Variants in ENOPH1 observed in about 807,000 individuals in gnomAD.
ENOPH1 encodes enolase-phosphatase 1.
In ENOPH1, 14 loss-of-function variants were observed where a neutral mutation model predicts 31.1. That is an observed-to-expected ratio of 0.45 (90% CI 0.30 to 0.70). The LOEUF (loss-of-function observed/expected upper bound fraction) is 0.70, where lower values mean the gene tolerates loss of function less well. Among genes scored for constraint, ENOPH1 ranks in the 30% least tolerant of loss-of-function variants. ENOPH1 has a pLI of 0.09. For missense variants in ENOPH1, 243 were observed against 321.5 expected, an observed-to-expected ratio of 0.76 and a Z score of 1.87; for synonymous variants, 127 against 123.2, an observed-to-expected ratio of 1.03 and a Z score of -0.21.
At chr4:82,455,841 G>A (rs981871662) in intron 4 of ENOPH1, among the ~76,000 whole-genome samples, 1 of 151,744 alleles carries the variant, frequency 6.6e-6, no homozygotes, top group Non-Finnish European at 1.5e-5. Flanking sequence ...AATATAGACC[G>A]AACTTATAAT....
At chr4:82,452,941 A>G (rs1420805254) in intron 3 of ENOPH1, among the ~76,000 whole-genome samples, 36 of 131,578 alleles carry the variant, frequency 2.7e-4, no homozygotes, top group African/African-American at 1.0e-3. Context: ...TTGCTCTGTC[A>G]CCCAGGCTGG....
At chr4:82,448,752 C>A (rs1250845907) in intron 2 of ENOPH1, among the ~76,000 whole-genome samples, 3 of 150,554 alleles carry the variant, frequency 2.0e-5, no homozygotes, top group Non-Finnish European at 4.4e-5. Flanking sequence ...TGAAACGCTG[C>A]CTCTACTAAA....
intron 2 of ENOPH1, among the ~76,000 whole-genome samples, chr4:82,450,323 G>C: frequency 6.6e-6 from 1 of 152,318 alleles, no homozygotes; most frequent in Admixed American, 6.5e-5. Flanking sequence ...ACAAAATGAT[G>C]TTGAAGGAAA....
intron 4 of ENOPH1, among the ~76,000 whole-genome samples, chr4:82,456,266 A>G (rs1455240446): frequency 5.4e-5 from 8 of 147,578 alleles, no homozygotes; most frequent in Non-Finnish European, 1.2e-4. Flanking sequence ...TTGAGTGCTT[A>G]CTATGCTTGT....
At chr4:82,434,771 G>T (rs963615581) in intron 1 of ENOPH1, among the ~76,000 whole-genome samples, 2 of 152,060 alleles carry the variant, frequency 1.3e-5, no homozygotes, top group African/African-American at 4.8e-5. Context: ...GCTGGGCATG[G>T]TGGCGCACAC....
At chr4:82,447,872 C>CA in intron 1 of ENOPH1, 48 bp from the exon 2 acceptor site, 1 of 1,173,900 alleles carries the variant, frequency 8.5e-7, no homozygotes, top group Non-Finnish European at 1.2e-6. Context: ...GGATCTTTTA[C>CA]AACTGATAAA....
chr4:82,460,273 A>G lies in ENOPH1; in HGVS notation c.*153A>G. 3.1e-6 allele frequency: 2 copies of G among 636,552 alleles called. No individual in the cohort carries two copies. Among genetic ancestry groups the G allele is most frequent in the South Asian group, 5.3e-5 (2 of 37,626 alleles). The allele number at this position is 636,552 out of a possible 1,614,324, so 39.4% of individuals were successfully genotyped here. A position where few individuals can be genotyped will look rare whatever the true frequency, so the allele number is the denominator to read the frequency against. Reference sequence around the variant, plus strand: ...TGTGTATGCTCAGATTAACTTCCATAGGTACATAAGTGAAAGAAGTCTCAG... The same window carrying G: ...TGTGTATGCTCAGATTAACTTCCATGGGTACATAAGTGAAAGAAGTCTCAG... On this transcript the variant is annotated 3_prime_UTR_variant, in exon 6 of 6. Coordinates refer to ENST00000273920, the MANE Select transcript of ENOPH1 (RefSeq NM_021204.5).
chr4:82,433,496 A>G (rs1434344771), intron 1 of ENOPH1, among the ~76,000 whole-genome samples: 6 of 152,200 alleles, frequency 3.9e-5, no homozygotes, highest in Non-Finnish European at 7.3e-5. Flanking sequence ...ATCTATTGTT[A>G]TTAATATTGT....
At chr4:82,439,261 A>T (rs934469356) in intron 1 of ENOPH1, among the ~76,000 whole-genome samples, 29 of 152,206 alleles carry the variant, frequency 1.9e-4, no homozygotes, top group African/African-American at 7.0e-4. Context: ...TGACCTTCTA[A>T]CAAGTTCCTT....
chr4:82,434,134 A>C (rs907720077), intron 1 of ENOPH1, among the ~76,000 whole-genome samples: 4 of 152,190 alleles, frequency 2.6e-5, no homozygotes, highest in Non-Finnish European at 2.9e-5. Context: ...AGATTGTCTT[A>C]TTCATAAAAA....
At chr4:82,431,929 T>C (rs1046602943) in intron 1 of ENOPH1, among the ~76,000 whole-genome samples, 1 of 150,306 alleles carries the variant, frequency 6.7e-6, no homozygotes, top group Non-Finnish European at 1.5e-5. Flanking sequence ...TTTTTTTTTT[T>C]CTTTGAGAGT....
At chr4:82,442,772 T>A (rs1185741520) in intron 1 of ENOPH1, among the ~76,000 whole-genome samples, 1 of 152,184 alleles carries the variant, frequency 6.6e-6, no homozygotes, top group Non-Finnish European at 1.5e-5. Context: ...GTAACCTGTT[T>A]TATTAATTAT....
chr4:82,432,456 T>G (rs1470149225), intron 1 of ENOPH1, among the ~76,000 whole-genome samples: 1 of 152,166 alleles, frequency 6.6e-6, no homozygotes, highest in African/African-American at 2.4e-5. Context: ...GCGATTCTTC[T>G]GTCGCAGCCT....
In ENOPH1 at chr4:82,460,118, T is replaced by G. The variant is rs1238088146; in HGVS notation, c.784T>G (p.Ter262GluextTer19). The change falls in exon 6 of 6, where the codon TAG (stop) becomes GAG (glutamate). Residue 262 changes from the stop codon to glutamate, a stop_lost. Transcript: ENST00000273920. ...TGAACTATACCTGCCTTCCTCAACC[T>G]AGAGAAGGGTTGTTAAGGCAGACCG... The part of the protein sequence containing the change: ...FSELYLPSST[*>E] The G allele has an allele frequency of 6.2e-7, 1 of 1,614,212 alleles. No homozygotes were observed. The highest frequency in any genetic ancestry group is 8.5e-7 in the Non-Finnish European group (1 of 1,180,030).
chr4:82,437,170 A>G (rs1486559453), intron 1 of ENOPH1, among the ~76,000 whole-genome samples: 5 of 152,208 alleles, frequency 3.3e-5, no homozygotes, highest in East Asian at 1.9e-4. Flanking sequence ...TGGCATTAGC[A>G]TAATCTTTCC....
chr4:82,457,094 T>TAC (rs1453035848), intron 5 of ENOPH1, 56 bp downstream of exon 5: 9 of 1,492,258 alleles, frequency 6.0e-6, no homozygotes, highest in Non-Finnish European at 8.1e-6. Context: ...AGCCTGGCAC[T>TAC]ACAAATACAT....
At chr4:82,444,411 C>G (rs1268461511) in intron 1 of ENOPH1, among the ~76,000 whole-genome samples, 1 of 151,942 alleles carries the variant, frequency 6.6e-6, no homozygotes, top group Non-Finnish European at 1.5e-5. Context: ...TTAGTAGAGA[C>G]GGGGTTTCAC....
At chr4:82,447,853 G>A (rs1722235330) in intron 1 of ENOPH1, 67 bp from the exon 2 acceptor site, 2 of 918,440 alleles carry the variant, frequency 2.2e-6, no homozygotes, top group East Asian at 5.4e-5. Flanking sequence ...GTAAGATTGT[G>A]GAAGAACTGG....
intron 1 of ENOPH1, among the ~76,000 whole-genome samples, chr4:82,435,054 C>T (rs72658963): frequency 0.075 from 11,459 of 152,252 alleles, 607 homozygotes; most frequent in Non-Finnish European, 0.12. Context: ...TCCACCGCCA[C>T]CATCCCTGCA....
Sources: allele counts gnomAD v4.1 joint callset (sites outside exome capture counted in the v4.1 genomes callset), GRCh38; gene constraint gnomAD v4.1.1; transcripts MANE v1.5; gene names NCBI Gene and HGNC (gene_info 2026-07-23, HGNC 2026-07-21).